MBD5: variants seen among roughly 807,000 people sequenced by gnomAD.
MBD5 encodes the protein methyl-CpG-binding domain protein 5.
In MBD5, 13 loss-of-function variants were observed where a neutral mutation model predicts 117.3. The ratio of observed to expected loss-of-function variants is 0.11; its 90% CI spans 0.07 to 0.18. The LOEUF is 0.18. MBD5 is among the 10% of genes least tolerant of loss of function. The pLI is 1.00. For synonymous variants in MBD5, 727 were observed against 766.4 expected, an observed-to-expected ratio of 0.95 and a Z score of 0.85; for missense variants, 1,879 against 2,093.8, an observed-to-expected ratio of 0.90 and a Z score of 2.00.
intron 1 of MBD5, among the ~76,000 whole-genome samples, chr2:148,023,237 A>C (rs767464819): frequency 3.9e-5 from 6 of 152,160 alleles, no homozygotes; most frequent in African/African-American, 7.2e-5. Flanking sequence ...AGAAATATAA[A>C]TCTAGAAGGA....
intron 1 of MBD5, among the ~76,000 whole-genome samples, chr2:148,034,605 C>T (rs1002288975): frequency 1.3e-5 from 2 of 152,104 alleles, no homozygotes; most frequent in African/African-American, 4.8e-5. Flanking sequence ...GTCTTGTAGA[C>T]ATTATCTTAT....
intron 3 of MBD5, among the ~76,000 whole-genome samples, chr2:148,300,790 G>A (rs2106477704): frequency 6.6e-6 from 1 of 152,188 alleles, no homozygotes; most frequent in East Asian, 1.9e-4. Flanking sequence ...AAAAATTAGA[G>A]ACATGAAAAA....
At chr2:148,303,444 A>C (rs1034324841) in intron 3 of MBD5, among the ~76,000 whole-genome samples, 3 of 152,220 alleles carry the variant, frequency 2.0e-5, no homozygotes, top group Non-Finnish European at 4.4e-5. Context: ...TGGAGGTTAA[A>C]GGCAAAGACA....
At chr2:148,039,121 CA>C (rs1470514388) in intron 1 of MBD5, among the ~76,000 whole-genome samples, 1 of 151,982 alleles carries the variant, frequency 6.6e-6, no homozygotes, top group Non-Finnish European at 1.5e-5. Context: ...TCTGTCATCT[CA>C]AAAATAGAGA....
intron 3 of MBD5, among the ~76,000 whole-genome samples, chr2:148,244,804 A>G (rs990920096): frequency 6.6e-6 from 1 of 152,178 alleles, no homozygotes; most frequent in Non-Finnish European, 1.5e-5. Flanking sequence ...ATGGTGTCCT[A>G]AACAGTGTGC....
intron 4 of MBD5, among the ~76,000 whole-genome samples, chr2:148,399,581 C>T (rs1042021691): frequency 6.6e-6 from 1 of 152,242 alleles, no homozygotes; most frequent in South Asian, 2.1e-4. Flanking sequence ...TCTAGATATA[C>T]AATCATGTCA....
intron 3 of MBD5, among the ~76,000 whole-genome samples, chr2:148,316,320 T>C (rs989956186): frequency 7.2e-5 from 11 of 152,246 alleles, no homozygotes; most frequent in African/African-American, 2.4e-4. Context: ...TATATAATAG[T>C]CTATATTCTT....
chr2:148,438,081 A>G lies in MBD5; in HGVS notation c.-556-20122A>G, dbSNP rs572367743. On this transcript the variant is annotated intron_variant, in intron 4 of 13. Transcript: ENST00000642680. ...ACTTTCGTGGAGTCAAATTTGCAAT[A>G]AATGCATAAAATGAATTAGAACTCT... Among the ~76,000 whole-genome samples the G allele has an allele frequency of 2.6e-4, 39 of 152,356 alleles. 1 individual carries two copies. In the South Asian group the frequency reaches 7.7e-3, roughly 30 times the overall value.
intron 10 of MBD5, among the ~76,000 whole-genome samples, chr2:148,488,604 A>G (rs370482304): frequency 8.7e-4 from 120 of 138,348 alleles, no homozygotes; most frequent in African/African-American, 3.1e-3. Flanking sequence ...AAAAAATCTG[A>G]AAGTTCAAAG....
intron 3 of MBD5, among the ~76,000 whole-genome samples, chr2:148,240,474 G>A (rs1441389537): frequency 6.6e-6 from 1 of 151,488 alleles, no homozygotes; most frequent in Non-Finnish European, 1.5e-5. Flanking sequence ...GGTCTCGAAT[G>A]CCTGGGTTCA....
At chr2:148,113,994 C>T (rs958772174) in intron 1 of MBD5, among the ~76,000 whole-genome samples, 48 of 151,984 alleles carry the variant, frequency 3.2e-4, no homozygotes, top group African/African-American at 1.1e-3. Flanking sequence ...TTCTTTTGCA[C>T]TGTTATTGGC....
chr2:148,200,519 A>C (rs914358870), intron 2 of MBD5, among the ~76,000 whole-genome samples: 7 of 151,944 alleles, frequency 4.6e-5, no homozygotes, highest in Non-Finnish European at 1.0e-4. Context: ...GTGAAACTCC[A>C]TCTCTGCTAA....
At chr2:148,175,278 A>G (rs1698357446) in intron 1 of MBD5, among the ~76,000 whole-genome samples, 1 of 152,176 alleles carries the variant, frequency 6.6e-6, no homozygotes, top group Non-Finnish European at 1.5e-5. Context: ...GTCATATTTT[A>G]AGAAGGTATA....
chr2:148,256,322 C>T (rs182114655), intron 3 of MBD5, among the ~76,000 whole-genome samples: 152 of 152,316 alleles, frequency 1.0e-3, no homozygotes, highest in African/African-American at 1.7e-3. Flanking sequence ...ATGTAGGTGC[C>T]GACTCTAACC....
chr2:148,156,582 C>T (rs1697881919), intron 1 of MBD5, among the ~76,000 whole-genome samples: 1 of 152,226 alleles, frequency 6.6e-6, no homozygotes, highest in Non-Finnish European at 1.5e-5. Context: ...TCATAATCTA[C>T]AAAACCTGTT....
intron 1 of MBD5, among the ~76,000 whole-genome samples, chr2:148,167,692 T>C (rs1178118319): frequency 1.3e-5 from 2 of 152,242 alleles, no homozygotes; most frequent in Admixed American, 1.3e-4. Flanking sequence ...TCCTAATTTT[T>C]GTTGATAAAG....
At chr2:148,227,754 T>C (rs1699870762) in intron 2 of MBD5, among the ~76,000 whole-genome samples, 1 of 152,220 alleles carries the variant, frequency 6.6e-6, no homozygotes, top group African/African-American at 2.4e-5. Flanking sequence ...GAGCATGGAA[T>C]GTTCTTCCAT....
chr2:148,189,146 A>T (rs1049036634), intron 2 of MBD5, among the ~76,000 whole-genome samples: 6 of 146,310 alleles, frequency 4.1e-5, no homozygotes, highest in Non-Finnish European at 9.0e-5. Flanking sequence ...CAGCAGTCTG[A>T]GATCAAACTG....
At chr2:148,143,039 A>G (rs191076129) in intron 1 of MBD5, among the ~76,000 whole-genome samples, 2 of 152,220 alleles carry the variant, frequency 1.3e-5, no homozygotes, top group African/African-American at 4.8e-5. Context: ...AATGGCAATT[A>G]TACGGATGCA....
Sources: allele counts gnomAD v4.1 joint callset (sites outside exome capture counted in the v4.1 genomes callset), GRCh38; gene constraint gnomAD v4.1.1; transcripts MANE v1.5; gene names NCBI Gene and HGNC (gene_info 2026-07-23, HGNC 2026-07-21).